Variants in PDK1 observed in about 807,000 individuals in gnomAD.
The protein encoded by PDK1 is pyruvate dehydrogenase kinase 1, also known as [Pyruvate dehydrogenase (acetyl-transferring)] kinase isozyme 1, mitochondrial.
Under a neutral mutation model 54.2 loss-of-function variants are expected in PDK1, and 39 were observed. The ratio of observed to expected loss-of-function variants is 0.72; its 90% CI spans 0.56 to 0.94. The LOEUF (loss-of-function observed/expected upper bound fraction) is 0.94, where lower values mean the gene tolerates loss of function less well. PDK1 is among the 40% of genes least tolerant of loss of function. PDK1 has a pLI of 0.00. For missense variants in PDK1, 552 were observed against 566.0 expected, an observed-to-expected ratio of 0.98 and a Z score of 0.25; for synonymous variants, 221 against 207.1, an observed-to-expected ratio of 1.07 and a Z score of -0.58.
chr2:172,583,537 G>A (rs929200300), intron 8 of PDK1, among the ~76,000 whole-genome samples: 4 of 151,558 alleles, frequency 2.6e-5, no homozygotes, highest in Non-Finnish European at 5.9e-5. Flanking sequence ...CAAGTGATTC[G>A]CCGGCCTTGC....
chr2:172,558,823 A>AC lies in PDK1; in HGVS notation c.314dup (p.Ser106IlefsTer18). On this transcript the variant is annotated frameshift_variant, in exon 2 of 11. Coordinates refer to ENST00000282077, the MANE Select transcript of PDK1 (RefSeq NM_002610.5). LOFTEE classifies it high-confidence loss of function. ...TCCTTCCAGATAATCTTCTCAGGAC[A>AC]CCATCCGTTCAATTGGTACAAAGCT... The AC allele has an allele frequency of 6.2e-7, 1 of 1,612,106 alleles. No homozygotes were observed. The highest frequency in any genetic ancestry group is 8.5e-7 in the Non-Finnish European group (1 of 1,179,286).
the PDK1 span, among the ~76,000 whole-genome samples, chr2:172,618,742 G>A: frequency 6.6e-6 from 1 of 152,242 alleles, no homozygotes; most frequent in East Asian, 1.9e-4. Flanking sequence ...GCTGGAAGGA[G>A]TTGGGGCAGG....
At chr2:172,658,465 A>T in the PDK1 span, among the ~76,000 whole-genome samples, 7 of 152,198 alleles carry the variant, frequency 4.6e-5, no homozygotes, top group Non-Finnish European at 1.0e-4. Context: ...TGTTTGAACA[A>T]TATGAAATCA....
At chr2:172,588,954 C>G (rs1401009940) in intron 9 of PDK1, among the ~76,000 whole-genome samples, 1 of 152,240 alleles carries the variant, frequency 6.6e-6, no homozygotes, top group Non-Finnish European at 1.5e-5. Flanking sequence ...TTTACTTTCA[C>G]TGCTGTCTTT....
In PDK1 at chr2:172,556,313, TC is replaced by T; in HGVS notation, c.167del (p.Pro56ArgfsTer4). Reference protein sequence around the residue: ...QVDFYARFSPSPLSMKQFLDF... With the variant: ...QVDFYARFSPXPLSMKQFLDF... ...GGACTTCTACGCGCGCTTCTCGCCGTCCCCGCTCTCCATGAAGCAGTTCCTG... is the reference window on the plus strand; with the variant it reads ...GGACTTCTACGCGCGCTTCTCGCCGTCCCGCTCTCCATGAAGCAGTTCCTG... On this transcript the variant is annotated frameshift_variant, in exon 1 of 11. Transcript: ENST00000282077. LOFTEE classifies it high-confidence loss of function. 4 of 1,495,096 alleles carry T rather than the reference TC, an allele frequency of 2.7e-6. No homozygotes were observed. The highest frequency in any genetic ancestry group is 2.7e-5 in the East Asian group (1 of 36,650). The allele number at this position is 1,495,096 out of a possible 1,614,324, so 92.6% of individuals were successfully genotyped here.
the PDK1 span, among the ~76,000 whole-genome samples, chr2:172,635,370 C>T: frequency 1.3e-5 from 2 of 152,162 alleles, no homozygotes; most frequent in African/African-American, 2.4e-5. Flanking sequence ...GGCTGGAGCG[C>T]AATGGTGCGA....
chr2:172,721,218 A>G, the PDK1 span, among the ~76,000 whole-genome samples: 12 of 152,232 alleles, frequency 7.9e-5, no homozygotes, highest in East Asian at 2.1e-3. Context: ...GGCCTTAACT[A>G]TCTGATGGGT....
the PDK1 span, among the ~76,000 whole-genome samples, chr2:172,686,739 G>T: frequency 6.6e-6 from 1 of 152,176 alleles, no homozygotes; most frequent in Non-Finnish European, 1.5e-5. Flanking sequence ...CACTGCAAAG[G>T]TCTGCAGCTT....
the PDK1 span, among the ~76,000 whole-genome samples, chr2:172,650,769 A>C: frequency 4.6e-5 from 7 of 152,230 alleles, no homozygotes; most frequent in Admixed American, 2.0e-4. Flanking sequence ...TCAATTCAAC[A>C]AGAAGAGCTA....
the PDK1 span, among the ~76,000 whole-genome samples, chr2:172,662,905 A>T: frequency 6.6e-6 from 1 of 152,144 alleles, no homozygotes; most frequent in Non-Finnish European, 1.5e-5. Flanking sequence ...TGGAAGCTCC[A>T]TGTGGGCAGG....
intron 1 of PDK1, among the ~76,000 whole-genome samples, chr2:172,556,940 C>T (rs1260624417): frequency 1.3e-5 from 2 of 152,206 alleles, no homozygotes; most frequent in African/African-American, 4.8e-5. Context: ...ACCACATTAT[C>T]TTGGTTTTCT....
chr2:172,566,730 T>C, intron 5 of PDK1, 126 bp from the exon 6 acceptor site: 2 of 354,568 alleles, frequency 5.6e-6, no homozygotes, highest in South Asian at 4.0e-5. Flanking sequence ...TTCACCAAAC[T>C]ATCAAAGTAT....
chr2:172,710,017 A>G, the PDK1 span, among the ~76,000 whole-genome samples: 1 of 152,206 alleles, frequency 6.6e-6, no homozygotes, highest in Non-Finnish European at 1.5e-5. Context: ...GAAGTTATAG[A>G]GGAAATCGCT....
At chr2:172,566,468 A>G (rs1336193710) in intron 5 of PDK1, among the ~76,000 whole-genome samples, 2 of 152,086 alleles carry the variant, frequency 1.3e-5, no homozygotes, top group African/African-American at 4.8e-5. Context: ...GAGGCAGGAG[A>G]ATCGCTTGAA....
downstream of PDK1, among the ~76,000 whole-genome samples, chr2:172,613,072 A>C (rs1691512825): frequency 6.6e-6 from 1 of 152,242 alleles, no homozygotes; most frequent in Non-Finnish European, 1.5e-5. Context: ...GTAACGAAAC[A>C]ATTTAGAAAT....
At chr2:172,646,771 C>A in the PDK1 span, among the ~76,000 whole-genome samples, 1 of 67,754 alleles carries the variant, frequency 1.5e-5, no homozygotes, top group Non-Finnish European at 3.0e-5. Flanking sequence ...GAGTTTTGCT[C>A]ATGTTACCCA....
chr2:172,655,225 C>T, the PDK1 span, among the ~76,000 whole-genome samples: 3 of 152,318 alleles, frequency 2.0e-5, no homozygotes, highest in African/African-American at 7.2e-5. Flanking sequence ...GGCCCATGGG[C>T]TCTGCTTTAA....
intron 8 of PDK1, among the ~76,000 whole-genome samples, chr2:172,579,406 G>A (rs115778791): frequency 9.2e-5 from 14 of 152,158 alleles, no homozygotes; most frequent in Non-Finnish European, 1.9e-4. Context: ...GTTCTTATAC[G>A]GATTCAGTTG....
chr2:172,624,299 T>G, the PDK1 span, among the ~76,000 whole-genome samples: 1 of 146,276 alleles, frequency 6.8e-6, no homozygotes, highest in Non-Finnish European at 1.5e-5. Context: ...GGTACCAGTC[T>G]GTGGCCTGTA....
Sources: gnomAD v4.1 joint callset for allele counts (sites outside exome capture counted in the v4.1 genomes callset) on GRCh38, gnomAD v4.1.1 for gene constraint, MANE v1.5 for transcripts, NCBI Gene and HGNC (gene_info 2026-07-23, HGNC 2026-07-21) for gene names.